PLAA: variants seen among roughly 807,000 people sequenced by gnomAD.
The protein encoded by PLAA is phospholipase A2 activating protein, also known as phospholipase A-2-activating protein.
A neutral mutation model predicts 84.1 loss-of-function variants in PLAA; 48 were observed. The ratio of observed to expected loss-of-function variants is 0.57; its 90% CI spans 0.45 to 0.73. PLAA has a LOEUF of 0.73. Ranked by LOEUF, PLAA falls within the 30% of genes least tolerant of loss-of-function variation. PLAA has a pLI of 0.00. For missense variants in PLAA, 903 were observed against 954.7 expected (o/e 0.95, Z 0.71); for synonymous variants, 392 against 336.6 (o/e 1.16, Z -1.80).
intron 4 of PLAA, among the ~76,000 whole-genome samples, 187 bp from the exon 5 acceptor site, chr9:26,926,747 A>G (rs1260759278): frequency 6.6e-6 from 1 of 152,098 alleles, no homozygotes; most frequent in Middle Eastern, 3.2e-3. Context: ...ATATTTTTTT[A>G]TCACCAGTCT....
intron 12 of PLAA, among the ~76,000 whole-genome samples, chr9:26,908,611 A>G (rs1281593288): frequency 6.6e-6 from 1 of 152,030 alleles, no homozygotes; most frequent in Non-Finnish European, 1.5e-5. Context: ...AACTACCAGC[A>G]TGCACCACCA....
chr9:26,914,534 G>A (rs1282874199), intron 10 of PLAA, among the ~76,000 whole-genome samples: 4 of 150,846 alleles, frequency 2.7e-5, no homozygotes, highest in African/African-American at 4.9e-5. Flanking sequence ...TGTTACAACC[G>A]GCGCAAAACA....
At chr9:26,916,556 G>C (rs958974181) in intron 10 of PLAA, 8 of 987,116 alleles carry the variant, frequency 8.1e-6, no homozygotes, top group Non-Finnish European at 9.6e-6. Context: ...CTCCTTCCAT[G>C]TTAAGTCAAA....
At chr9:26,942,282 G>C (rs902099852) in intron 1 of PLAA, among the ~76,000 whole-genome samples, 1 of 152,120 alleles carries the variant, frequency 6.6e-6, no homozygotes, top group Non-Finnish European at 1.5e-5. Context: ...CAACATATGA[G>C]GTTCAAAAAA....
Position 26,925,959 on chromosome 9 carries a change from G to C in PLAA, c.735C>G (p.Asp245Glu). ...YSISVFPNCRDFVTTAEDRSL... is the reference protein window; with the variant it reads ...YSISVFPNCREFVTTAEDRSL... ...ATCTGTCCTCTGCTGTTGTCACAAA[G>C]TCTAAAATTAATGAATATAGGAAGT... Residue 245 changes from aspartate to glutamate, a missense_variant and splice_region_variant, in exon 6 of 14, where the codon GAC (aspartate) becomes GAG (glutamate). Transcript: ENST00000397292. The C allele has an allele frequency of 6.2e-7, 1 of 1,611,146 alleles. No individual in the cohort carries two copies. The highest frequency in any genetic ancestry group is 8.5e-7 in the Non-Finnish European group (1 of 1,177,460).
chr9:26,939,958 A>G (rs190191461), intron 1 of PLAA, among the ~76,000 whole-genome samples: 11 of 152,310 alleles, frequency 7.2e-5, no homozygotes, highest in African/African-American at 2.2e-4. Flanking sequence ...CAATATCTCA[A>G]TCTCAATAAT....
At chr9:26,934,448 T>C (rs919307121) in intron 2 of PLAA, among the ~76,000 whole-genome samples, 31 of 151,034 alleles carry the variant, frequency 2.1e-4, no homozygotes, top group Non-Finnish European at 3.4e-4. Context: ...TCAAATTATA[T>C]AGCCTCTTTT....
intron 2 of PLAA, among the ~76,000 whole-genome samples, chr9:26,933,808 A>AAAT: frequency 7.0e-6 from 1 of 143,204 alleles, no homozygotes; most frequent in Non-Finnish European, 1.5e-5. Flanking sequence ...AAAAAAAAAA[A>AAAT]AAAAATTTTT....
At chr9:26,942,286 CA>C (rs1009196000) in intron 1 of PLAA, among the ~76,000 whole-genome samples, 7 of 152,094 alleles carry the variant, frequency 4.6e-5, no homozygotes, top group Non-Finnish European at 1.0e-4. Flanking sequence ...ATATGAGGTT[CA>C]AAAAAGTTGT....
intron 9 of PLAA, among the ~76,000 whole-genome samples, chr9:26,918,213 G>A (rs1017140757): frequency 2.6e-5 from 4 of 151,504 alleles, no homozygotes; most frequent in African/African-American, 9.7e-5. Flanking sequence ...CCAGGTTCAC[G>A]TGATTCTCCT....
At chr9:26,921,373 G>C (rs1365464991) in intron 7 of PLAA, among the ~76,000 whole-genome samples, 1 of 152,118 alleles carries the variant, frequency 6.6e-6, no homozygotes, top group Non-Finnish European at 1.5e-5. Flanking sequence ...CCCTTGCATT[G>C]GGCAGTCACA....
chr9:26,925,685 T>A, intron 6 of PLAA, 140 bp downstream of exon 6: 1 of 656,426 alleles, frequency 1.5e-6, no homozygotes, highest in Non-Finnish European at 2.7e-6. Flanking sequence ...TAATATCTAC[T>A]ACTGTTTTGT....
intron 1 of PLAA, among the ~76,000 whole-genome samples, chr9:26,935,862 T>C (rs1285838509): frequency 6.6e-6 from 1 of 150,550 alleles, no homozygotes; most frequent in Non-Finnish European, 1.5e-5. Flanking sequence ...TTATATAATA[T>C]ATAATGTTAT....
At chr9:26,917,061 G>A (rs1469168171) in intron 10 of PLAA, 36 bp downstream of exon 10, 1 of 1,541,614 alleles carries the variant, frequency 6.5e-7, no homozygotes, top group African/African-American at 1.4e-5. Flanking sequence ...TATACATTTA[G>A]TGAAGAAAGA....
At chr9:26,943,994 C>A (rs1156825143) in intron 1 of PLAA, among the ~76,000 whole-genome samples, 1 of 152,094 alleles carries the variant, frequency 6.6e-6, no homozygotes, top group African/African-American at 2.4e-5. Context: ...ATGGCCTGAA[C>A]GTGTCCCCCA....
chr9:26,932,726 A>C (rs994395426), intron 2 of PLAA, among the ~76,000 whole-genome samples: 2 of 152,228 alleles, frequency 1.3e-5, no homozygotes, highest in African/African-American at 2.4e-5. Flanking sequence ...AAAATAAGAT[A>C]TCTCTACTTC....
intron 6 of PLAA, 145 bp from the exon 7 acceptor site, chr9:26,923,492 G>A (rs1240376409): frequency 3.4e-6 from 2 of 582,798 alleles, no homozygotes; most frequent in Admixed American, 3.3e-5. Context: ...ACAGCACTGT[G>A]CTGACTTCAG....
intron 2 of PLAA, among the ~76,000 whole-genome samples, chr9:26,928,879 A>C (rs1452530747): frequency 6.6e-6 from 1 of 152,208 alleles, no homozygotes; most frequent in Non-Finnish European, 1.5e-5. Context: ...CTTGATGTGA[A>C]ATTATGCAGG....
chr9:26,930,110 T>TA (rs1563915947), intron 2 of PLAA, among the ~76,000 whole-genome samples: 9 of 150,182 alleles, frequency 6.0e-5, no homozygotes, highest in African/African-American at 1.7e-4. Flanking sequence ...ATTATTATTT[T>TA]TTTTTTTTTT....
Sources: gnomAD v4.1 joint callset for allele counts (sites outside exome capture counted in the v4.1 genomes callset) on GRCh38, gnomAD v4.1.1 for gene constraint, MANE v1.5 for transcripts, NCBI Gene and HGNC (gene_info 2026-07-23, HGNC 2026-07-21) for gene names.